ADGRB3: variants seen among roughly 807,000 people sequenced by gnomAD.
ADGRB3 encodes the protein adhesion G protein-coupled receptor B3, also known as brain-specific angiogenesis inhibitor 3.
ADGRB3 carries 37 observed loss-of-function variants against 193.4 expected under a neutral mutation model. The observed-to-expected ratio is 0.19, with a 90% CI of 0.15 to 0.25. The LOEUF (loss-of-function observed/expected upper bound fraction) is 0.25. Among genes scored for constraint, ADGRB3 ranks in the 10% least tolerant of loss-of-function variants. The pLI, the probability that ADGRB3 is intolerant of heterozygous loss-of-function variation, is 1.00. For missense variants in ADGRB3, 1,637 were observed against 1,852.9 expected (o/e 0.88, Z 2.14); for synonymous variants, 690 against 644.2 (o/e 1.07, Z -1.08).
intron 17 of ADGRB3, among the ~76,000 whole-genome samples, chr6:69,091,471 G>A (rs1772706128): frequency 6.6e-6 from 1 of 152,172 alleles, no homozygotes; most frequent in Non-Finnish European, 1.5e-5. Context: ...AAAAAAGAAT[G>A]AGATCATGTT....
intron 3 of ADGRB3, among the ~76,000 whole-genome samples, chr6:68,710,541 T>C (rs1479271812): frequency 6.6e-6 from 1 of 152,180 alleles, no homozygotes; most frequent in African/African-American, 2.4e-5. Context: ...TTCCTACATC[T>C]AAACTATTTT....
At chr6:68,685,607 A>C (rs1374850940) in intron 3 of ADGRB3, among the ~76,000 whole-genome samples, 1 of 152,074 alleles carries the variant, frequency 6.6e-6, no homozygotes, top group African/African-American at 2.4e-5. Context: ...CTGTGGAAGA[A>C]AGGGAATTAA....
intron 3 of ADGRB3, among the ~76,000 whole-genome samples, chr6:68,880,880 T>C (rs948255114): frequency 1.3e-5 from 2 of 152,206 alleles, no homozygotes; most frequent in Admixed American, 1.3e-4. Flanking sequence ...TATTTCTTAC[T>C]TTAAAAAAGA....
intron 22 of ADGRB3, among the ~76,000 whole-genome samples, chr6:69,330,155 A>T (rs1389646144): frequency 1.3e-5 from 2 of 152,182 alleles, no homozygotes; most frequent in African/African-American, 4.8e-5. Flanking sequence ...GAAAAAATCC[A>T]TAATGGATAT....
chr6:68,843,247 G>A (rs1327467527), intron 3 of ADGRB3, among the ~76,000 whole-genome samples: 2 of 151,904 alleles, frequency 1.3e-5, no homozygotes, highest in Non-Finnish European at 2.9e-5. Flanking sequence ...ATCCTTGTTT[G>A]CATATTATAT....
intron 16 of ADGRB3, among the ~76,000 whole-genome samples, chr6:69,066,485 A>T (rs1457570036): frequency 6.6e-6 from 1 of 152,090 alleles, no homozygotes; most frequent in African/African-American, 2.4e-5. Context: ...GCTTTTTAAC[A>T]AATAGCATTT....
chr6:69,378,836 C>G (rs1038239912), intron 30 of ADGRB3, among the ~76,000 whole-genome samples: 6 of 151,988 alleles, frequency 3.9e-5, no homozygotes, highest in Non-Finnish European at 4.4e-5. Flanking sequence ...TCCAGACATA[C>G]AGGTGGCTTT....
chr6:68,733,345 G>A (rs941303000), intron 3 of ADGRB3, among the ~76,000 whole-genome samples: 6 of 150,358 alleles, frequency 4.0e-5, no homozygotes, highest in Non-Finnish European at 5.9e-5. Context: ...CCTTTGCAAC[G>A]TAGATGCAGC....
chr6:69,363,977 A>T (rs1158272839), intron 29 of ADGRB3, among the ~76,000 whole-genome samples: 1 of 152,020 alleles, frequency 6.6e-6, no homozygotes, highest in Non-Finnish European at 1.5e-5. Context: ...GTCTTAGAAG[A>T]TAATGTTAAG....
chr6:69,347,800 A>G (rs920549013), intron 26 of ADGRB3, among the ~76,000 whole-genome samples: 1 of 152,090 alleles, frequency 6.6e-6, no homozygotes, highest in African/African-American at 2.4e-5. Context: ...AGAAAAAAAA[A>G]ATAGAATGCA....
At chr6:69,154,000 A>C (rs1215739649) in intron 17 of ADGRB3, among the ~76,000 whole-genome samples, 1 of 152,166 alleles carries the variant, frequency 6.6e-6, no homozygotes, top group African/African-American at 2.4e-5. Flanking sequence ...CTCAAAAAAA[A>C]AGAAACATAA....
intron 3 of ADGRB3, among the ~76,000 whole-genome samples, chr6:68,886,768 T>C (rs1355681794): frequency 4.6e-5 from 7 of 152,094 alleles, no homozygotes; most frequent in African/African-American, 1.7e-4. Context: ...TCTCTGTGTA[T>C]ACATAAAATA....
chr6:69,123,096 G>A (rs1174810334), intron 17 of ADGRB3, among the ~76,000 whole-genome samples: 2 of 151,594 alleles, frequency 1.3e-5, no homozygotes, highest in Non-Finnish European at 2.9e-5. Context: ...AGTTAGCCAT[G>A]TTGATTTTCA....
intron 20 of ADGRB3, among the ~76,000 whole-genome samples, chr6:69,323,387 G>A (rs758791895): frequency 2.2e-4 from 34 of 151,894 alleles, no homozygotes; most frequent in African/African-American, 8.0e-4. Flanking sequence ...TATTTAAACC[G>A]TAAATTGGAA....
intron 3 of ADGRB3, among the ~76,000 whole-genome samples, chr6:68,920,681 C>G (rs1276459666): frequency 6.6e-6 from 1 of 151,934 alleles, no homozygotes; most frequent in Non-Finnish European, 1.5e-5. Context: ...GCTTGCCAGA[C>G]TAACGTTCAA....
chr6:69,338,847 AAGC>A, intron 24 of ADGRB3, 66 bp from the exon 25 acceptor site: 1 of 1,376,442 alleles, frequency 7.3e-7, no homozygotes, highest in Non-Finnish European at 1.0e-6. Flanking sequence ...AGCTAACTTG[AAGC>A]AGCAATTTTT....
chr6:68,907,445 A>G (rs368599988), intron 3 of ADGRB3, among the ~76,000 whole-genome samples: 91 of 152,016 alleles, frequency 6.0e-4, no homozygotes, highest in Middle Eastern at 6.8e-3. Context: ...TATAATGAGC[A>G]TCCTTGATTT....
chr6:69,377,851 A>G (rs907503519), intron 30 of ADGRB3, among the ~76,000 whole-genome samples: 3 of 152,100 alleles, frequency 2.0e-5, no homozygotes, highest in Non-Finnish European at 4.4e-5. Context: ...TTTACAGGTC[A>G]TTTACAAGTC....
chr6:69,031,823 C>A (rs1770718881), intron 13 of ADGRB3, among the ~76,000 whole-genome samples: 1 of 151,558 alleles, frequency 6.6e-6, no homozygotes, highest in South Asian at 2.1e-4. Context: ...TTGGTAGAGA[C>A]TGGGTTGCCA....
Sources: gnomAD v4.1 joint callset for allele counts (sites outside exome capture counted in the v4.1 genomes callset) on GRCh38, gnomAD v4.1.1 for gene constraint, MANE v1.5 for transcripts, NCBI Gene and HGNC (gene_info 2026-07-23, HGNC 2026-07-21) for gene names.